Variants in ANKS1B observed in about 807,000 individuals in gnomAD.
ANKS1B encodes the protein ankyrin repeat and sterile alpha motif domain containing 1B.
In ANKS1B, 36 loss-of-function variants were observed where a neutral mutation model predicts 148.3. That is an observed-to-expected ratio of 0.24 (90% CI 0.19 to 0.32). The LOEUF (loss-of-function observed/expected upper bound fraction) is 0.32. Ranked by LOEUF, ANKS1B falls within the 10% of genes least tolerant of loss-of-function variation. The pLI, the probability that ANKS1B is intolerant of heterozygous loss-of-function variation, is 1.00. For missense variants in ANKS1B, 1,157 were observed against 1,542.6 expected (o/e 0.75, Z 4.19); for synonymous variants, 542 against 560.8 (o/e 0.97, Z 0.47).
intron 14 of ANKS1B, among the ~76,000 whole-genome samples, chr12:99,197,301 A>G (rs527276293): frequency 6.6e-6 from 1 of 152,306 alleles, no homozygotes; most frequent in East Asian, 1.9e-4. Flanking sequence ...CCTTAGCCCA[A>G]CACTCTTAGA....
chr12:99,070,231 GA>G (rs1014979082), intron 16 of ANKS1B, among the ~76,000 whole-genome samples: 4 of 152,122 alleles, frequency 2.6e-5, no homozygotes, highest in African/African-American at 9.7e-5. Flanking sequence ...CATCAGGCTA[GA>G]ACCCAAAGCC....
rs1398943433 is a variant in ANKS1B, at chr12:99,715,489, G to A, written c.1128+57433C>T. 5.3e-5 allele frequency among the ~76,000 whole-genome samples: 8 copies of A among 151,946 alleles called. No homozygotes were observed. In the South Asian group the frequency reaches 1.5e-3, roughly 28 times the overall value. On this transcript the variant is annotated intron_variant, in intron 8 of 26. Transcript: ENST00000683438. ...AACGGCCCCACCCCTATCTCCCTTC[G>A]CTGACTCTTTTCGGACTCAGCCCGC...
intron 12 of ANKS1B, among the ~76,000 whole-genome samples, chr12:99,327,146 A>G (rs2152238509): frequency 8.3e-6 from 1 of 119,872 alleles, no homozygotes; most frequent in Non-Finnish European, 1.6e-5. Flanking sequence ...AATATACAAT[A>G]ATATATAATA....
At chr12:99,177,039 A>G (rs1774394685) in intron 14 of ANKS1B, among the ~76,000 whole-genome samples, 1 of 152,164 alleles carries the variant, frequency 6.6e-6, no homozygotes, top group Non-Finnish European at 1.5e-5. Context: ...TTCACACTTG[A>G]CATATGGGAA....
intron 12 of ANKS1B, among the ~76,000 whole-genome samples, chr12:99,322,258 A>G (rs1007730678): frequency 6.6e-6 from 1 of 152,152 alleles, no homozygotes; most frequent in African/African-American, 2.4e-5. Flanking sequence ...ACAGGAACAG[A>G]AAACCAAACA....
At chr12:99,921,641 T>G (rs553523758) in intron 1 of ANKS1B, among the ~76,000 whole-genome samples, 1 of 152,152 alleles carries the variant, frequency 6.6e-6, no homozygotes, top group East Asian at 1.9e-4. Flanking sequence ...TCTAATCTGA[T>G]AGTAGAAAAA....
chr12:99,238,376 A>G (rs891890226), intron 14 of ANKS1B, among the ~76,000 whole-genome samples: 3 of 152,170 alleles, frequency 2.0e-5, no homozygotes, highest in Admixed American at 1.3e-4. Flanking sequence ...AGGCTTGAGT[A>G]GCTCACAGTG....
At chr12:99,911,132 A>T (rs1001377802) in intron 1 of ANKS1B, among the ~76,000 whole-genome samples, 3 of 152,220 alleles carry the variant, frequency 2.0e-5, no homozygotes, top group African/African-American at 7.2e-5. Flanking sequence ...TCTCGGTTTT[A>T]CAGCTAGTAG....
At chr12:99,918,138 C>CA (rs972440812) in intron 1 of ANKS1B, among the ~76,000 whole-genome samples, 6 of 152,206 alleles carry the variant, frequency 3.9e-5, no homozygotes, top group African/African-American at 1.4e-4. Flanking sequence ...TCTCTGGTGC[C>CA]AAAAAGGTTG....
chr12:98,991,079 A>G (rs1249318759), intron 17 of ANKS1B, among the ~76,000 whole-genome samples: 1 of 152,238 alleles, frequency 6.6e-6, no homozygotes, highest in Non-Finnish European at 1.5e-5. Flanking sequence ...AGAGGAGTAA[A>G]TACTGATGCC....
chr12:99,453,009 G>A (rs1307559154), intron 10 of ANKS1B, among the ~76,000 whole-genome samples: 3 of 152,202 alleles, frequency 2.0e-5, no homozygotes, highest in African/African-American at 7.2e-5. Flanking sequence ...GAAGAGATGA[G>A]GCCGGGCACA....
intron 9 of ANKS1B, among the ~76,000 whole-genome samples, chr12:99,584,351 G>A (rs1251235390): frequency 6.6e-6 from 1 of 152,140 alleles, no homozygotes; most frequent in African/African-American, 2.4e-5. Flanking sequence ...TGTAATTCCA[G>A]GACTTTGTGA....
intron 10 of ANKS1B, among the ~76,000 whole-genome samples, chr12:99,494,858 A>T (rs775106084): frequency 6.6e-6 from 1 of 151,854 alleles, no homozygotes; most frequent in Non-Finnish European, 1.5e-5. Flanking sequence ...CTTGGGCAGG[A>T]GGAGGAAAAC....
intron 9 of ANKS1B, among the ~76,000 whole-genome samples, chr12:99,605,059 T>C (rs938740425): frequency 6.6e-6 from 1 of 152,010 alleles, no homozygotes; most frequent in Non-Finnish European, 1.5e-5. Context: ...CAAGAAACTT[T>C]TGTCATTTTA....
At position 99,038,077 on chromosome 12, in the gene ANKS1B, C is replaced by T. The variant is rs181650912; in HGVS notation, c.2778+15080G>A. Among the ~76,000 whole-genome samples the T allele has an allele frequency of 7.8e-4, 119 of 152,208 alleles. 1 individual carries two copies. Among genetic ancestry groups the T allele is most frequent in the African/African-American group, 2.7e-3 (111 of 41,532 alleles). ...TTACATGGGGTACAGAGCGCAGAAA[C>T]GTTTTTTGGCCACACATTGGTTTTT... On this transcript the variant is annotated intron_variant, in intron 17 of 26. Coordinates refer to ENST00000683438, the MANE Select transcript of ANKS1B (RefSeq NM_001352186.2).
intron 1 of ANKS1B, among the ~76,000 whole-genome samples, chr12:99,961,228 CAAAAA>C (rs920085323): frequency 1.1e-5 from 1 of 94,652 alleles, no homozygotes; most frequent in Non-Finnish European, 2.3e-5. Context: ...GACTCCCTCT[CAAAAA>C]AAACAAAACA....
intron 9 of ANKS1B, among the ~76,000 whole-genome samples, chr12:99,540,369 T>G (rs1009173224): frequency 6.6e-6 from 1 of 152,124 alleles, no homozygotes; most frequent in Non-Finnish European, 1.5e-5. Context: ...GCGTTCTTCT[T>G]AAGTACACGT....
intron 9 of ANKS1B, among the ~76,000 whole-genome samples, chr12:99,628,457 T>G (rs1175784029): frequency 6.6e-6 from 1 of 152,204 alleles, no homozygotes; most frequent in Non-Finnish European, 1.5e-5. Context: ...ACACTCTGGA[T>G]TCTGGTTACA....
chr12:98,831,372 G>A (rs910257493), intron 18 of ANKS1B: 1 of 152,110 alleles, frequency 6.6e-6, no homozygotes, highest in South Asian at 2.1e-4. Context: ...TTGAAAAACA[G>A]AAGACCCTAA....
Sources: allele counts gnomAD v4.1 joint callset (sites outside exome capture counted in the v4.1 genomes callset), GRCh38; gene constraint gnomAD v4.1.1; transcripts MANE v1.5; gene names NCBI Gene and HGNC (gene_info 2026-07-23, HGNC 2026-07-21).